CD109: variants seen among roughly 807,000 people sequenced by gnomAD.
CD109 encodes CD109 antigen.
In CD109, 149 loss-of-function variants were observed where a neutral mutation model predicts 165.8. The ratio of observed to expected loss-of-function variants is 0.90; its 90% confidence interval spans 0.79 to 1.03. CD109 has a LOEUF of 1.03. Ranked by LOEUF, CD109 falls within the 50% of genes least tolerant of loss-of-function variation. The probability of loss-of-function intolerance (pLI) is 0.00; values close to 1 mark genes in which losing one functional copy is unlikely to be tolerated. For missense variants in CD109, 1,712 were observed against 1,677.8 expected (o/e 1.02, Z -0.36); for synonymous variants, 585 against 592.1 (o/e 0.99, Z 0.18).
Position 73,826,067 on chromosome 6 carries a change from C to A in CD109, c.*2434C>A, listed in dbSNP as rs888077081. 1.3e-5 allele frequency: 2 copies of A among 152,120 alleles called. No individual in the cohort carries two copies. Among genetic ancestry groups the A allele is most frequent in the African/African-American group, 4.8e-5 (2 of 41,424 alleles). 9.4% of individuals were successfully genotyped at this position (152,120 alleles called of 1,614,324 possible). ...TGAAGAGGACAACAATGAGAAGGAA[C>A]ATAAAGGGTTAGCTAGCACTGTCTC... On this transcript the variant is annotated 3_prime_UTR_variant, in exon 33 of 33. Transcript: ENST00000287097.
chr6:73,800,663 C>T (rs1160509144), intron 23 of CD109, among the ~76,000 whole-genome samples: 1 of 152,124 alleles, frequency 6.6e-6, no homozygotes, highest in Non-Finnish European at 1.5e-5. Context: ...ATTTGAGTTT[C>T]TCCTGTTATG....
At chr6:73,728,095 T>C (rs938122018) in intron 3 of CD109, among the ~76,000 whole-genome samples, 1 of 151,952 alleles carries the variant, frequency 6.6e-6, no homozygotes, top group Non-Finnish European at 1.5e-5. Context: ...CCGAGGTGGG[T>C]GGATCACTTG....
In CD109 at chr6:73,808,233, A is replaced by G. The variant is rs748708308; in HGVS notation, c.3340A>G (p.Arg1114Gly). 2 of 1,613,008 alleles carry G rather than the reference A, an allele frequency of 1.2e-6. No homozygotes were observed. The highest frequency in any genetic ancestry group is 3.3e-5 in the Admixed American group (2 of 59,886). The change falls in exon 26 of 33, where the codon AGA (arginine) becomes GGA (glycine). Residue 1114 changes from arginine (R) to glycine (G), a missense_variant. By Grantham distance (125) the Arg-to-Gly change is moderately radical (BLOSUM62 -2). Coordinates refer to ENST00000287097, the MANE Select transcript of CD109 (RefSeq NM_133493.5). The part of the protein sequence containing the change: ...AKEALNMLTW[R>G]AEQEGGMQFW... Reference sequence around the variant, plus strand: ...GGAAGCTTTGAATATGCTGACTTGGAGAGCAGAACAAGAAGGTAATGTGCT... The same window carrying G: ...GGAAGCTTTGAATATGCTGACTTGGGGAGCAGAACAAGAAGGTAATGTGCT...
chr6:73,797,264 GT>G (rs1193600141), intron 23 of CD109, among the ~76,000 whole-genome samples: 1 of 152,160 alleles, frequency 6.6e-6, no homozygotes, highest in Non-Finnish European at 1.5e-5. Context: ...CATGAAAACT[GT>G]TTTTGATAAG....
intron 5 of CD109, among the ~76,000 whole-genome samples, chr6:73,754,481 A>G (rs1027124306): frequency 6.6e-6 from 1 of 152,182 alleles, no homozygotes; most frequent in African/African-American, 2.4e-5. Context: ...GGGACTGGCA[A>G]TGTAGGAGGC....
At chr6:73,716,863 T>C (rs1771764156) in intron 2 of CD109, among the ~76,000 whole-genome samples, 1 of 152,234 alleles carries the variant, frequency 6.6e-6, no homozygotes. Flanking sequence ...CAGTTCAGTG[T>C]CCTGGAGAGT....
intron 23 of CD109, among the ~76,000 whole-genome samples, chr6:73,797,994 C>G (rs968015639): frequency 1.3e-5 from 2 of 152,012 alleles, no homozygotes; most frequent in Non-Finnish European, 2.9e-5. Flanking sequence ...TTGGAGAGAG[C>G]TATGTTTTTG....
At chr6:73,784,216 T>A (rs969927887) in intron 19 of CD109, among the ~76,000 whole-genome samples, 1 of 152,258 alleles carries the variant, frequency 6.6e-6, no homozygotes, top group African/African-American at 2.4e-5. Flanking sequence ...TTCCATCATG[T>A]CTTTTGGTCA....
chr6:73,816,411 T>A (rs147442842), intron 30 of CD109, among the ~76,000 whole-genome samples: 2 of 152,318 alleles, frequency 1.3e-5, no homozygotes, highest in African/African-American at 4.8e-5. Flanking sequence ...TACATGCATA[T>A]CATTTAATTC....
At position 73,827,216 on chromosome 6, in the gene CD109, G is replaced by A. The variant is rs976006814; in HGVS notation, c.*3583G>A. The stretch of plus-strand genomic sequence containing the variant: ...CCCTATGAGGGTAGTTATTATTTGA[G>A]TCTGCCAAGTGGTTACCATGGGGCA... On this transcript the variant is annotated 3_prime_UTR_variant, in exon 33 of 33. Transcript: ENST00000287097. The A allele has an allele frequency of 3.3e-5, 5 of 152,128 alleles. No homozygotes were observed. The highest frequency in any genetic ancestry group is 4.4e-5 in the Non-Finnish European group (3 of 68,034). 9.4% of individuals were successfully genotyped at this position (152,128 alleles called of 1,614,324 possible). A position where few individuals can be genotyped will look rare whatever the true frequency, so the allele number is the denominator to read the frequency against.
chr6:73,750,155 T>A (rs778949673), intron 5 of CD109, among the ~76,000 whole-genome samples: 11 of 152,096 alleles, frequency 7.2e-5, no homozygotes, highest in Non-Finnish European at 1.3e-4. Flanking sequence ...GTGACTGGAT[T>A]TCGATTGGAG....
rs543139179 is a variant in CD109, at chr6:73,803,367, C to T, written c.2960+66C>T. On this transcript the variant is annotated intron_variant, in intron 24 of 32. Transcript: ENST00000287097. ...TGGGCTTTCACTAGGTCACAATAGCCACGAAATTGACAGATATATCTCTAT... is the reference window on the plus strand; with the variant it reads ...TGGGCTTTCACTAGGTCACAATAGCTACGAAATTGACAGATATATCTCTAT... 8.5e-6 allele frequency: 10 copies of T among 1,172,218 alleles called. No homozygotes were observed. In the South Asian group the frequency reaches 1.0e-4, roughly 12 times the overall value. 72.6% of individuals were successfully genotyped at this position (1,172,218 alleles called of 1,614,324 possible). A position where few individuals can be genotyped will look rare whatever the true frequency, so the allele number is the denominator to read the frequency against.
At chr6:73,758,241 T>C (rs1052883476) in intron 6 of CD109, among the ~76,000 whole-genome samples, 2 of 152,090 alleles carry the variant, frequency 1.3e-5, no homozygotes, top group Admixed American at 6.5e-5. Context: ...GTGAGGTGCC[T>C]TGTTATGAGA....
Position 73,787,273 on chromosome 6 carries a change from C to G in CD109, c.2377C>G (p.Leu793Val). 6.2e-7 allele frequency: 1 copy of G among 1,613,604 alleles called. No individual in the cohort carries two copies. Among genetic ancestry groups the G allele is most frequent in the Admixed American group, 1.7e-5 (1 of 59,998 alleles). The change falls in exon 21 of 33, where the codon CTA (leucine) becomes GTA (valine). Residue 793 changes from leucine to valine, a missense_variant. Transcript: ENST00000287097. Reference sequence around the variant, plus strand: ...TGAGAAAAGTGACAAATTTGATATTCTAATGACTTCAAATGAAATAAATGC... The same window carrying G: ...TGAGAAAAGTGACAAATTTGATATTGTAATGACTTCAAATGAAATAAATGC... ...IIEKSDKFDI[L>V]MTSNEINATG...
chr6:73,747,883 CT>C (rs34248513), intron 5 of CD109, among the ~76,000 whole-genome samples: 150 of 145,932 alleles, frequency 1.0e-3, no homozygotes, highest in African/African-American at 8.7e-4. Flanking sequence ...TTCTTTCTTT[CT>C]TTTTTTTTTT....
intron 15 of CD109, among the ~76,000 whole-genome samples, chr6:73,773,219 T>C (rs1021450118): frequency 6.6e-6 from 1 of 150,534 alleles, no homozygotes; most frequent in Non-Finnish European, 1.5e-5. Flanking sequence ...TATATTTATA[T>C]ATACATATAA....
the CD109 span, among the ~76,000 whole-genome samples, chr6:73,687,727 TG>T: frequency 1.3e-5 from 2 of 152,204 alleles, no homozygotes; most frequent in Non-Finnish European, 2.9e-5. Flanking sequence ...AAACTTGCTC[TG>T]GGCAACAGGA....
At chr6:73,782,557 T>C in intron 17 of CD109, 57 bp from the exon 18 acceptor site, 1 of 1,528,752 alleles carries the variant, frequency 6.5e-7, no homozygotes, top group Admixed American at 1.7e-5. Context: ...ATGTGGAGTT[T>C]ACAATTCATT....
Position 73,731,927 on chromosome 6 carries a change from G to A in CD109, c.507+1353G>A, listed in dbSNP as rs144280420. Among the ~76,000 whole-genome samples the A allele has an allele frequency of 2.5e-3, 376 of 152,340 alleles. 2 individuals are homozygous for A. Among genetic ancestry groups the A allele is most frequent in the African/African-American group, 8.7e-3 (360 of 41,576 alleles). Reference sequence around the variant, plus strand: ...TAGGAACCCCTTTTGAAAGGTAGTAGTTTTGTCTCTGCTGCTTAATACTCT... The same window carrying A: ...TAGGAACCCCTTTTGAAAGGTAGTAATTTTGTCTCTGCTGCTTAATACTCT... On this transcript the variant is annotated intron_variant, in intron 4 of 32. Coordinates refer to ENST00000287097, the MANE Select transcript of CD109 (RefSeq NM_133493.5).
Sources: gnomAD v4.1 joint callset for allele counts (sites outside exome capture counted in the v4.1 genomes callset) on GRCh38, gnomAD v4.1.1 for gene constraint, MANE v1.5 for transcripts, NCBI Gene and HGNC (gene_info 2026-07-23, HGNC 2026-07-21) for gene names.